RABGAP1L: variants seen among roughly 807,000 people sequenced by gnomAD.
RABGAP1L encodes the protein rab GTPase-activating protein 1-like.
A neutral mutation model predicts 137.7 loss-of-function variants in RABGAP1L; 63 were observed. That is an observed-to-expected ratio of 0.46 (90% CI 0.37 to 0.56). The LOEUF is 0.56. Among genes scored for constraint, RABGAP1L ranks in the 20% least tolerant of loss-of-function variants. The probability of loss-of-function intolerance (pLI) is 0.00; values close to 1 mark genes in which losing one functional copy is unlikely to be tolerated. For synonymous variants in RABGAP1L, 431 were observed against 433.7 expected, an observed-to-expected ratio of 0.99 and a Z score of 0.08; for missense variants, 1,095 against 1,244.0, an observed-to-expected ratio of 0.88 and a Z score of 1.80.
At chr1:174,597,161 T>C (rs1291454463) in intron 13 of RABGAP1L, among the ~76,000 whole-genome samples, 2 of 152,180 alleles carry the variant, frequency 1.3e-5, no homozygotes, top group African/African-American at 4.8e-5. Flanking sequence ...TCGTCAGAAA[T>C]GTTGGCCTGG....
chr1:174,682,459 T>TAA (rs71743862), intron 14 of RABGAP1L, among the ~76,000 whole-genome samples: 3 of 140,496 alleles, frequency 2.1e-5, no homozygotes, highest in African/African-American at 2.6e-5. Flanking sequence ...AAAAGTTGTT[T>TAA]AAAAAAAAAA....
intron 20 of RABGAP1L, 141 bp from the exon 21 acceptor site, chr1:174,969,134 AAT>A: frequency 1.6e-6 from 1 of 638,692 alleles, no homozygotes; most frequent in Non-Finnish European, 2.8e-6. Context: ...CCCAGACAGC[AAT>A]CCTGCCTTCC....
At chr1:174,419,546 CTG>C (rs1459809375) in intron 13 of RABGAP1L, among the ~76,000 whole-genome samples, 7 of 152,174 alleles carry the variant, frequency 4.6e-5, no homozygotes, top group South Asian at 2.1e-4. Context: ...TTTTCTGTAA[CTG>C]TGGTTTGCTT....
chr1:174,268,414 A>C (rs1037831587), intron 7 of RABGAP1L, among the ~76,000 whole-genome samples: 1 of 152,032 alleles, frequency 6.6e-6, no homozygotes, highest in Admixed American at 6.6e-5. Flanking sequence ...CATGTTAGCC[A>C]GGATGGTCTC....
chr1:174,272,430 T>C lies in RABGAP1L; in HGVS notation c.1003T>C (p.Leu335=), dbSNP rs958479019. Residue 335 remains leucine, a synonymous_variant, in exon 8 of 26, where the codon TTA becomes CTA. Transcript: ENST00000681986. ...LAIERCFGML[L]SPGRNVKNSD... is the part of the protein sequence containing the mutation. ...TATTTTCAGATGTTTTGGAATGTTA[T>C]TAAGCCCAGGTCGAAACGTGAAGAA... 3 of 1,603,398 alleles carry C rather than the reference T, an allele frequency of 1.9e-6. No individual in the cohort carries two copies. Among genetic ancestry groups the C allele is most frequent in the Admixed American group, 1.7e-5 (1 of 57,732 alleles).
chr1:174,428,801 T>C (rs1558225700), intron 13 of RABGAP1L, among the ~76,000 whole-genome samples: 1 of 152,210 alleles, frequency 6.6e-6, no homozygotes, highest in Non-Finnish European at 1.5e-5. Flanking sequence ...CATGGAGATA[T>C]ACAATTAAAT....
chr1:174,973,676 C>T (rs559450292), intron 21 of RABGAP1L, among the ~76,000 whole-genome samples: 7 of 152,016 alleles, frequency 4.6e-5, no homozygotes, highest in East Asian at 3.9e-4. Flanking sequence ...TGAGCCACCG[C>T]GCCTGGCCAG....
intron 13 of RABGAP1L, among the ~76,000 whole-genome samples, chr1:174,568,305 T>A (rs1330439967): frequency 6.6e-6 from 1 of 152,160 alleles, no homozygotes; most frequent in Admixed American, 6.6e-5. Context: ...TACCTCCCAC[T>A]AGGCCCCACC....
chr1:174,212,395 G>C (rs950461308), intron 1 of RABGAP1L, among the ~76,000 whole-genome samples: 23 of 151,976 alleles, frequency 1.5e-4, no homozygotes, highest in Admixed American at 1.4e-3. Context: ...AGGAATTTTA[G>C]AAACTATACA....
intron 13 of RABGAP1L, among the ~76,000 whole-genome samples, chr1:174,419,748 C>G (rs1278474571): frequency 6.6e-6 from 1 of 152,072 alleles, no homozygotes; most frequent in Non-Finnish European, 1.5e-5. Context: ...TTAATTTATG[C>G]TTTATGTAAC....
At chr1:174,247,631 A>G (rs1447855854) in intron 5 of RABGAP1L, among the ~76,000 whole-genome samples, 1 of 152,202 alleles carries the variant, frequency 6.6e-6, no homozygotes, top group Non-Finnish European at 1.5e-5. Context: ...TCCTGGCAAC[A>G]TGGCTGCCCA....
chr1:174,726,047 C>A (rs982228304), intron 17 of RABGAP1L, among the ~76,000 whole-genome samples: 3 of 151,952 alleles, frequency 2.0e-5, no homozygotes, highest in Non-Finnish European at 2.9e-5. Flanking sequence ...TTGAGTGACA[C>A]AAAAATAAAA....
At chr1:174,912,731 T>C (rs1196504384) in intron 19 of RABGAP1L, among the ~76,000 whole-genome samples, 1 of 152,218 alleles carries the variant, frequency 6.6e-6, no homozygotes, top group Admixed American at 6.5e-5. Flanking sequence ...TAGTCATATG[T>C]TTTTAAACTT....
chr1:174,640,117 A>G (rs1674407928), intron 14 of RABGAP1L, among the ~76,000 whole-genome samples: 3 of 152,282 alleles, frequency 2.0e-5, no homozygotes, highest in Non-Finnish European at 4.4e-5. Flanking sequence ...TGAGCTGTAT[A>G]TACATAAAAA....
intron 19 of RABGAP1L, among the ~76,000 whole-genome samples, chr1:174,926,273 C>G (rs1200996627): frequency 6.6e-6 from 1 of 152,012 alleles, no homozygotes; most frequent in Non-Finnish European, 1.5e-5. Context: ...GTCCTTTTCT[C>G]TTCAGTAAGA....
chr1:174,407,615 A>G (rs1477071869), intron 13 of RABGAP1L, among the ~76,000 whole-genome samples: 2 of 152,014 alleles, frequency 1.3e-5, no homozygotes, highest in Admixed American at 6.6e-5. Context: ...TTCCTCTTTA[A>G]TTATTATTAT....
At chr1:174,168,919 A>G (rs1247569886) in intron 1 of RABGAP1L, among the ~76,000 whole-genome samples, 1 of 152,226 alleles carries the variant, frequency 6.6e-6, no homozygotes, top group Non-Finnish European at 1.5e-5. Context: ...TCTTACATGT[A>G]TAGATGTGGT....
chr1:174,713,719 G>C (rs889963699), intron 17 of RABGAP1L, among the ~76,000 whole-genome samples: 3 of 152,170 alleles, frequency 2.0e-5, no homozygotes, highest in South Asian at 2.1e-4. Flanking sequence ...AACCTCTTTT[G>C]TTTATAAATT....
At chr1:174,445,820 C>T (rs1654690989) in intron 13 of RABGAP1L, among the ~76,000 whole-genome samples, 1 of 152,074 alleles carries the variant, frequency 6.6e-6, no homozygotes, top group Non-Finnish European at 1.5e-5. Context: ...TCTGTCTTGT[C>T]CATACGAAAT....
Sources: allele counts gnomAD v4.1 joint callset (sites outside exome capture counted in the v4.1 genomes callset), GRCh38; gene constraint gnomAD v4.1.1; transcripts MANE v1.5; gene names NCBI Gene and HGNC (gene_info 2026-07-23, HGNC 2026-07-21).